GRIA3: variants seen among roughly 807,000 people sequenced by gnomAD.
GRIA3 encodes glutamate receptor 3.
GRIA3 carries 3 observed loss-of-function variants against 63.0 expected under a neutral mutation model. That is an observed-to-expected ratio of 0.05 (90% CI 0.02 to 0.12). GRIA3 has a LOEUF of 0.12. GRIA3 is among the 10% of genes least tolerant of loss of function. The pLI, the probability that GRIA3 is intolerant of heterozygous loss-of-function variation, is 1.00. For synonymous variants in GRIA3, 274 were observed against 257.9 expected (o/e 1.06, Z -0.60); for missense variants, 347 against 700.9 (o/e 0.50, Z 5.70).
chrX:123,263,420 A>G (rs1269764989), intron 3 of GRIA3, among the ~76,000 whole-genome samples: 1 of 112,260 alleles, frequency 8.9e-6, no homozygotes, highest in Admixed American at 9.4e-5. Flanking sequence ...GACTCCACAA[A>G]CGATCTGATT....
intron 4 of GRIA3, among the ~76,000 whole-genome samples, chrX:123,348,186 C>G (rs2045065968): frequency 8.9e-6 from 1 of 111,744 alleles, no homozygotes; most frequent in Non-Finnish European, 1.9e-5. Flanking sequence ...TTTGCAAAGT[C>G]TATAGAGAAC....
At chrX:123,359,964 T>C (rs2147353138) in intron 5 of GRIA3, among the ~76,000 whole-genome samples, 1 of 111,938 alleles carries the variant, frequency 8.9e-6, no homozygotes, top group South Asian at 3.8e-4. Context: ...ATCAAACAGG[T>C]CATTGTGCAA....
chrX:123,302,590 G>A (rs1401934649), intron 3 of GRIA3, among the ~76,000 whole-genome samples: 2 of 111,032 alleles, frequency 1.8e-5, no homozygotes, highest in Non-Finnish European at 3.8e-5. Context: ...CCACCTCACA[G>A]GGTTACCAGG....
At position 123,280,509 on chromosome X, in the gene GRIA3, C is replaced by A. The variant is rs145605136; in HGVS notation, c.508+26967C>A. ...GGACTGTTCTAATTAAAAGAATATT[C>A]TGATAAACTGGGTTTAGCTGCAACT... On this transcript the variant is annotated intron_variant, in intron 3 of 15. Coordinates refer to ENST00000620443, the MANE Select transcript of GRIA3 (RefSeq NM_007325.5). Among the ~76,000 whole-genome samples the A allele has an allele frequency of 2.6e-3, 293 of 111,714 alleles. 1 individual carries two copies. Among genetic ancestry groups the A allele is most frequent in the African/African-American group, 8.6e-3 (264 of 30,841 alleles).
chrX:123,278,302 TAA>T (rs1325026150), intron 3 of GRIA3, among the ~76,000 whole-genome samples: 1 of 112,428 alleles, frequency 8.9e-6, no homozygotes, highest in East Asian at 2.8e-4. Flanking sequence ...ATAAGTCATT[TAA>T]AAGAGTCAAT....
chrX:123,250,773 T>C (rs964091439), intron 2 of GRIA3, among the ~76,000 whole-genome samples: 18 of 112,234 alleles, frequency 1.6e-4, no homozygotes, highest in Admixed American at 1.4e-3. Context: ...TAAATTTGAA[T>C]TTCAGATAAA....
intron 12 of GRIA3, among the ~76,000 whole-genome samples, chrX:123,429,815 C>A (rs1386119302): frequency 8.9e-6 from 1 of 112,366 alleles, no homozygotes; most frequent in Non-Finnish European, 1.9e-5. Flanking sequence ...ATAAGAGATA[C>A]TTGTTCCACT....
chrX:123,244,958 G>A (rs1382729683), intron 2 of GRIA3, among the ~76,000 whole-genome samples: 2 of 112,177 alleles, frequency 1.8e-5, no homozygotes, highest in Non-Finnish European at 3.8e-5. Context: ...ACAGAAAGAA[G>A]GAACAGTAAT....
At chrX:123,359,551 A>T (rs923327795) in intron 5 of GRIA3, among the ~76,000 whole-genome samples, 1 of 111,375 alleles carries the variant, frequency 9.0e-6, no homozygotes, top group Non-Finnish European at 1.9e-5. Context: ...AAAGCTTTAA[A>T]ATCAGTCCAA....
intron 10 of GRIA3, among the ~76,000 whole-genome samples, chrX:123,414,626 G>A (rs1452915343): frequency 1.1e-5 from 1 of 93,245 alleles, no homozygotes; most frequent in Non-Finnish European, 2.0e-5. Context: ...CTGTGACCAT[G>A]TGTTCTCATT....
At chrX:123,252,232 C>T (rs1266800036) in intron 2 of GRIA3, among the ~76,000 whole-genome samples, 1 of 111,987 alleles carries the variant, frequency 8.9e-6, no homozygotes, top group Admixed American at 9.4e-5. Context: ...TCTATTTAAT[C>T]ACTCTCCCAG....
At chrX:123,459,748 T>C (rs969877238) in intron 12 of GRIA3, among the ~76,000 whole-genome samples, 3 of 110,226 alleles carry the variant, frequency 2.7e-5, no homozygotes, top group African/African-American at 9.9e-5. Context: ...GTTTAACTTC[T>C]CCCAGATGAC....
Position 123,458,829 on chromosome X carries a change from A to G in GRIA3, c.2077-6036A>G, listed in dbSNP as rs755134970. On this transcript the variant is annotated intron_variant, in intron 12 of 15. Transcript: ENST00000620443. Reference sequence around the variant, plus strand: ...AACAAAATTTTTAAAATCCAATTTCAAATGATAGTAATTTTTGTTGATGGC... The same window carrying G: ...AACAAAATTTTTAAAATCCAATTTCGAATGATAGTAATTTTTGTTGATGGC... 1.4e-4 allele frequency among the ~76,000 whole-genome samples: 16 copies of G among 111,814 alleles called. No homozygotes were observed. The South Asian group carries it at 6.0e-3, about 42-fold the overall frequency.
chrX:123,387,383 AAAG>A (rs2045359616), intron 5 of GRIA3, among the ~76,000 whole-genome samples: 1 of 111,939 alleles, frequency 8.9e-6, no homozygotes, highest in Non-Finnish European at 1.9e-5. Context: ...TGACATATGC[AAAG>A]AAGGACAATT....
intron 3 of GRIA3, among the ~76,000 whole-genome samples, chrX:123,289,875 T>C (rs748106319): frequency 1.8e-5 from 2 of 111,284 alleles, no homozygotes; most frequent in East Asian, 5.7e-4. Context: ...AGGAAAACAT[T>C]CCTTTATTTT....
At chrX:123,277,668 A>G (rs961354055) in intron 3 of GRIA3, among the ~76,000 whole-genome samples, 1 of 112,042 alleles carries the variant, frequency 8.9e-6, no homozygotes, top group Non-Finnish European at 1.9e-5. Context: ...AAGGGTTCCA[A>G]CACTTACAGA....
intron 5 of GRIA3, among the ~76,000 whole-genome samples, chrX:123,388,531 C>T (rs1432949951): frequency 8.9e-6 from 1 of 112,243 alleles, no homozygotes; most frequent in Admixed American, 9.4e-5. Flanking sequence ...CAGGAATGAG[C>T]CACCGTGCCA....
chrX:123,184,878 T>C lies in GRIA3; in HGVS notation c.109+234T>C, dbSNP rs946931076. On this transcript the variant is annotated intron_variant, in intron 1 of 15. Transcript: ENST00000620443. ...CAAGAGAGGGGTCTCCTGGGGCTAG[T>C]GGGGGTGAACTGCTAGGTTTTCCGA... 7.2e-5 allele frequency: 35 copies of C among 483,286 alleles called. No homozygotes were observed. In the South Asian group the frequency reaches 8.7e-4, roughly 12 times the overall value. The allele number at this position is 483,286 out of a possible 1,213,427, so 39.8% of individuals were successfully genotyped here.
chrX:123,454,626 T>C (rs1173222938), intron 12 of GRIA3, among the ~76,000 whole-genome samples: 1 of 111,040 alleles, frequency 9.0e-6, no homozygotes, highest in Non-Finnish European at 1.9e-5. Flanking sequence ...CCAGTAGCAC[T>C]CCTCTCCCCA....
Sources: gnomAD v4.1 joint callset for allele counts (sites outside exome capture counted in the v4.1 genomes callset) on GRCh38, gnomAD v4.1.1 for gene constraint, MANE v1.5 for transcripts, NCBI Gene and HGNC (gene_info 2026-07-23, HGNC 2026-07-21) for gene names.